Variants in HECW2 observed in about 807,000 individuals in gnomAD.
The protein encoded by HECW2 is E3 ubiquitin-protein ligase HECW2.
In HECW2, 61 loss-of-function variants were observed where a neutral mutation model predicts 175.2. The ratio of observed to expected loss-of-function variants is 0.35; its 90% CI spans 0.28 to 0.43. The LOEUF (loss-of-function observed/expected upper bound fraction) is 0.43, where lower values mean the gene tolerates loss of function less well. Among genes scored for constraint, HECW2 ranks in the 20% least tolerant of loss-of-function variants. HECW2 has a pLI of 1.00. For missense variants in HECW2, 1,524 were observed against 2,000.5 expected, an observed-to-expected ratio of 0.76 and a Z score of 4.54; for synonymous variants, 671 against 731.0, an observed-to-expected ratio of 0.92 and a Z score of 1.32.
chr2:196,343,931 C>T (rs1692855356), intron 2 of HECW2, among the ~76,000 whole-genome samples, 167 bp from the exon 3 acceptor site: 1 of 152,102 alleles, frequency 6.6e-6, no homozygotes, highest in African/African-American at 2.4e-5. Context: ...AGTTTCTGTG[C>T]TTGCATTTAT....
In HECW2 at chr2:196,194,527, A is replaced by T. The variant is rs1220599795; in HGVS notation, c.*6750T>A. The T allele has an allele frequency of 6.6e-6, 1 of 152,180 alleles. No homozygotes were observed. The highest frequency in any genetic ancestry group is 2.4e-5 in the African/African-American group (1 of 41,446). The allele number at this position is 152,180 out of a possible 1,614,324, so 9.4% of individuals were successfully genotyped here. On this transcript the variant is annotated 3_prime_UTR_variant, in exon 29 of 29. Transcript: ENST00000644978. ...GGAATCATAAAAAATACAACAAAAG[A>T]GTCAGGGGTTCAGTTGAGAATAAGA... is the stretch of plus-strand genomic sequence containing the variant.
intron 2 of HECW2, among the ~76,000 whole-genome samples, chr2:196,344,578 T>G (rs1692883876): frequency 6.6e-6 from 1 of 152,156 alleles, no homozygotes; most frequent in Admixed American, 6.5e-5. Context: ...GGGATTCATA[T>G]TCTATAATTT....
At chr2:196,544,918 A>C (rs1340085880) in intron 1 of HECW2, among the ~76,000 whole-genome samples, 3 of 152,214 alleles carry the variant, frequency 2.0e-5, no homozygotes, top group Non-Finnish European at 4.4e-5. Flanking sequence ...TTTGCTTCTT[A>C]GCCAGGGAAG....
chr2:196,222,131 C>T (rs1438166673), intron 24 of HECW2, 80 bp downstream of exon 24: 1 of 1,305,708 alleles, frequency 7.7e-7, no homozygotes, highest in East Asian at 2.4e-5. Flanking sequence ...AGCATCTGAT[C>T]TTAGCCATGG....
At position 196,370,459 on chromosome 2, in the gene HECW2, T is replaced by C. The variant is rs980523008; in HGVS notation, c.293-26695A>G. 3.4e-4 allele frequency among the ~76,000 whole-genome samples: 52 copies of C among 152,144 alleles called. 1 individual carries two copies. Among genetic ancestry groups the C allele is most frequent in the African/African-American group, 1.3e-3 (52 of 41,438 alleles). On this transcript the variant is annotated intron_variant, in intron 2 of 28. Transcript: ENST00000644978. ...CTCAAGTGGAATGCAGGGGTCTCTTTTGGAACTGTGAGCTGTGCTGCCTGG... is the reference window on the plus strand; with the variant it reads ...CTCAAGTGGAATGCAGGGGTCTCTTCTGGAACTGTGAGCTGTGCTGCCTGG...
chr2:196,509,278 T>C (rs1193942760), intron 1 of HECW2, among the ~76,000 whole-genome samples: 2 of 152,216 alleles, frequency 1.3e-5, no homozygotes, highest in Admixed American at 6.5e-5. Context: ...TCCTGGCTCA[T>C]GGATGAGTTC....
intron 1 of HECW2, among the ~76,000 whole-genome samples, chr2:196,442,856 G>C (rs1696079840): frequency 1.3e-5 from 2 of 152,180 alleles, no homozygotes; most frequent in South Asian, 4.2e-4. Context: ...ATAGACCTCT[G>C]ATATGAAAGG....
At chr2:196,219,805 A>G (rs1357568264) in intron 26 of HECW2, among the ~76,000 whole-genome samples, 2 of 152,184 alleles carry the variant, frequency 1.3e-5, no homozygotes, top group Non-Finnish European at 2.9e-5. Flanking sequence ...CTCACCAACA[A>G]TTAAGAGTTA....
At chr2:196,388,483 T>A (rs1694415285) in intron 2 of HECW2, among the ~76,000 whole-genome samples, 1 of 152,162 alleles carries the variant, frequency 6.6e-6, no homozygotes, top group Non-Finnish European at 1.5e-5. Flanking sequence ...TAGATGCTAT[T>A]ATCATTCCCA....
Position 196,306,446 on chromosome 2 carries a change from G to T in HECW2, c.2814+42C>A, listed in dbSNP as rs751865375. ...ACAGAAACAACGATCATTTGCTTTGGCCTGCTGTTTTCCTTCACACTCTTT... is the reference window on the plus strand; with the variant it reads ...ACAGAAACAACGATCATTTGCTTTGTCCTGCTGTTTTCCTTCACACTCTTT... On this transcript the variant is annotated intron_variant, in intron 13 of 28. Coordinates refer to ENST00000644978, the MANE Select transcript of HECW2 (RefSeq NM_001348768.2). 1.9e-6 allele frequency: 3 copies of T among 1,563,646 alleles called. No individual in the cohort carries two copies. In the South Asian group the frequency reaches 3.5e-5, roughly 18 times the overall value.
chr2:196,426,404 A>G (rs1380535383), intron 2 of HECW2, among the ~76,000 whole-genome samples: 2 of 151,900 alleles, frequency 1.3e-5, no homozygotes, highest in East Asian at 3.9e-4. Context: ...TGTCACCAAC[A>G]CTTGTTATCT....
rs567564922 is a variant in HECW2 at position 196,565,848 on chromosome 2, C to G, written c.-36+27660G>C. ...TATCAATGACAAATAATGTATAGTA[C>G]ATGCGAATAGTCATAATACTAGGTT... On this transcript the variant is annotated intron_variant, in intron 1 of 28. Coordinates refer to ENST00000644978, the MANE Select transcript of HECW2 (RefSeq NM_001348768.2). Among the ~76,000 whole-genome samples, 3 of 152,184 alleles carry G rather than the reference C, an allele frequency of 2.0e-5. No homozygotes were observed. In the East Asian group the frequency reaches 5.8e-4, roughly 29 times the overall value.
At chr2:196,250,481 A>C (rs150276713) in intron 19 of HECW2, among the ~76,000 whole-genome samples, 72 of 152,282 alleles carry the variant, frequency 4.7e-4, no homozygotes, top group African/African-American at 1.6e-3. Context: ...GAGGTGAGGT[A>C]ATTATTGTTA....
chr2:196,485,797 A>C (rs1357972112), intron 1 of HECW2, among the ~76,000 whole-genome samples: 1 of 152,178 alleles, frequency 6.6e-6, no homozygotes, highest in Non-Finnish European at 1.5e-5. Flanking sequence ...GTAATTCGTA[A>C]AACAATAAAA....
chr2:196,304,514 A>G (rs1054332337), intron 13 of HECW2, among the ~76,000 whole-genome samples: 40 of 152,286 alleles, frequency 2.6e-4, no homozygotes, highest in African/African-American at 9.4e-4. Flanking sequence ...TGTCTTATTT[A>G]CCACTCTATT....
intron 21 of HECW2, among the ~76,000 whole-genome samples, chr2:196,232,480 C>T (rs1342606626): frequency 6.6e-6 from 1 of 152,146 alleles, no homozygotes; most frequent in Non-Finnish European, 1.5e-5. Flanking sequence ...ATGAGTGGAG[C>T]TCTTTGATGC....
At chr2:196,515,317 C>A (rs1688109593) in intron 1 of HECW2, among the ~76,000 whole-genome samples, 1 of 152,228 alleles carries the variant, frequency 6.6e-6, no homozygotes, top group Admixed American at 6.5e-5. Flanking sequence ...GCTGTTAGTA[C>A]AAGCCAAGTG....
chr2:196,466,971 C>T (rs1696978422), intron 1 of HECW2, among the ~76,000 whole-genome samples: 1 of 152,154 alleles, frequency 6.6e-6, no homozygotes, highest in African/African-American at 2.4e-5. Context: ...TCTTAGTTTT[C>T]AGACTTGCTA....
rs1283662559 is a variant in HECW2 at position 196,197,355 on chromosome 2, A to G, written c.*3922T>C. Reference sequence around the variant, plus strand: ...GAACTCAGCTATTAGGGCTTACTAGATCCATCCCTATTAAAAATTTAAAAA... The same window carrying G: ...GAACTCAGCTATTAGGGCTTACTAGGTCCATCCCTATTAAAAATTTAAAAA... On this transcript the variant is annotated 3_prime_UTR_variant, in exon 29 of 29. Transcript: ENST00000644978. 8.6e-5 allele frequency: 13 copies of G among 150,376 alleles called. No individual in the cohort carries two copies. The allele number at this position is 150,376 out of a possible 1,614,324, so 9.3% of individuals were successfully genotyped here.
Sources: gnomAD v4.1 joint callset for allele counts (sites outside exome capture counted in the v4.1 genomes callset) on GRCh38, gnomAD v4.1.1 for gene constraint, MANE v1.5 for transcripts, NCBI Gene and HGNC (gene_info 2026-07-23, HGNC 2026-07-21) for gene names.